The following FRAS1 variants were observed in gnomAD, a reference collection of about 807,000 sequenced individuals.
FRAS1 encodes extracellular matrix organizing protein FRAS1.
A neutral mutation model predicts 435.2 loss-of-function variants in FRAS1; 290 were observed. The observed-to-expected ratio is 0.67, with a 90% confidence interval of 0.61 to 0.73. The LOEUF (loss-of-function observed/expected upper bound fraction) is 0.73. Ranked by LOEUF, FRAS1 falls within the 30% of genes least tolerant of loss-of-function variation. The pLI, the probability that FRAS1 is intolerant of heterozygous loss-of-function variation, is 0.00. For synonymous variants in FRAS1, 1,800 were observed against 1,851.0 expected (o/e 0.97, Z 0.71); for missense variants, 4,860 against 5,001.5 (o/e 0.97, Z 0.85).
At chr4:78,539,804 A>G (rs917218604) in intron 73 of FRAS1, among the ~76,000 whole-genome samples, 2 of 152,232 alleles carry the variant, frequency 1.3e-5, no homozygotes, top group Admixed American at 6.5e-5. Flanking sequence ...TCATAATACA[A>G]TACAGCAATT....
At chr4:78,458,878 C>T (rs1719285083) in intron 47 of FRAS1, among the ~76,000 whole-genome samples, 2 of 152,052 alleles carry the variant, frequency 1.3e-5, no homozygotes, top group Admixed American at 6.6e-5. Flanking sequence ...TGAAATAAGG[C>T]AGTGTATTAC....
chr4:78,062,786 C>A (rs1171578786), intron 1 of FRAS1, among the ~76,000 whole-genome samples: 1 of 152,180 alleles, frequency 6.6e-6, no homozygotes, highest in Admixed American at 6.5e-5. Context: ...AGTAAAAGAG[C>A]AGCTCAGGTC....
At chr4:78,374,432 T>C (rs1474051830) in intron 25 of FRAS1, among the ~76,000 whole-genome samples, 181 bp downstream of exon 25, 1 of 152,212 alleles carries the variant, frequency 6.6e-6, no homozygotes, top group African/African-American at 2.4e-5. Context: ...AATTAGGATA[T>C]AGGAGTGTAA....
intron 18 of FRAS1, among the ~76,000 whole-genome samples, chr4:78,332,924 G>A (rs958704197): frequency 6.6e-6 from 1 of 152,214 alleles, no homozygotes; most frequent in African/African-American, 2.4e-5. Flanking sequence ...AGAGTATCTA[G>A]TGATAGACAG....
rs1397029811 is a variant in FRAS1 at position 78,515,875 on chromosome 4, C to T, written c.10251C>T (p.Asp3417=). The change falls in exon 66 of 74, where the codon GAC becomes GAT. Residue 3417 remains aspartate, a synonymous_variant. Transcript: ENST00000512123. The part of the protein sequence containing the change: ...GPGYDRPFQF[D]PSVREPKTIQ... ...GCTACGATCGCCCCTTCCAGTTTGA[C>T]CCCAGCGTGCGAGAGCCGAAGACCA... 1 of 1,614,020 alleles carries T rather than the reference C, an allele frequency of 6.2e-7. No homozygotes were observed. Among genetic ancestry groups the T allele is most frequent in the South Asian group, 1.1e-5 (1 of 91,080 alleles).
chr4:78,313,401 A>T (rs922472943), intron 15 of FRAS1, among the ~76,000 whole-genome samples: 1 of 152,216 alleles, frequency 6.6e-6, no homozygotes, highest in South Asian at 2.1e-4. Flanking sequence ...ATGTTCTCAA[A>T]ATATTTTTCA....
intron 9 of FRAS1, among the ~76,000 whole-genome samples, chr4:78,273,063 C>G (rs1444301302): frequency 1.3e-5 from 2 of 152,080 alleles, no homozygotes; most frequent in Non-Finnish European, 2.9e-5. Flanking sequence ...GTATTTTATT[C>G]TCTTTGAAGC....
intron 9 of FRAS1, among the ~76,000 whole-genome samples, chr4:78,270,876 T>C (rs1306449708): frequency 6.6e-6 from 1 of 152,164 alleles, no homozygotes; most frequent in East Asian, 1.9e-4. Context: ...CTGCTGCCTA[T>C]TGGCCTCTGA....
chr4:78,419,121 A>C, intron 33 of FRAS1, 58 bp downstream of exon 33: 1 of 950,340 alleles, frequency 1.1e-6, no homozygotes, highest in Non-Finnish European at 1.6e-6. Flanking sequence ...GTTTTTTACC[A>C]GTCTTAATAT....
chr4:78,308,136 C>G lies in FRAS1; in HGVS notation c.1605C>G (p.Leu535=). Reference sequence around the variant, plus strand: ...ACTGCTTGGCCTGCAGAGATCCCCTCCACGTGCTGAGAGATGGCGGCTGTG... The same window carrying G: ...ACTGCTTGGCCTGCAGAGATCCCCTGCACGTGCTGAGAGATGGCGGCTGTG... ...EKHCLACRDP[L]HVLRDGGCES... is the part of the protein sequence containing the mutation. The change falls in exon 15 of 74, where the codon CTC becomes CTG. Residue 535 remains leucine, a synonymous_variant. Transcript: ENST00000512123. The G allele has an allele frequency of 2.5e-6, 4 of 1,613,926 alleles. No individual in the cohort carries two copies. The South Asian group carries it at 4.4e-5, about 18-fold the overall frequency.
chr4:78,275,107 AG>A (rs930649725), intron 9 of FRAS1, among the ~76,000 whole-genome samples: 13 of 152,190 alleles, frequency 8.5e-5, no homozygotes, highest in Admixed American at 7.2e-4. Flanking sequence ...CTTGGTTTAA[AG>A]TCTGTTTTAT....
chr4:78,382,626 G>T (rs894751214), intron 27 of FRAS1, among the ~76,000 whole-genome samples: 1 of 152,100 alleles, frequency 6.6e-6, no homozygotes, highest in African/African-American at 2.4e-5. Flanking sequence ...GGGAAGACAA[G>T]AATCATTTTT....
chr4:78,373,280 A>G (rs1016091067), intron 24 of FRAS1, among the ~76,000 whole-genome samples: 2 of 151,916 alleles, frequency 1.3e-5, no homozygotes, highest in African/African-American at 2.4e-5. Flanking sequence ...TCTCTGGCCT[A>G]GTATCCCTTT....
chr4:78,274,365 T>C (rs1218870317), intron 9 of FRAS1, among the ~76,000 whole-genome samples: 1 of 152,248 alleles, frequency 6.6e-6, no homozygotes, highest in East Asian at 1.9e-4. Context: ...AGCTTTTGAA[T>C]GTGTTTGCTC....
chr4:78,368,485 A>C (rs1185057108), intron 22 of FRAS1, among the ~76,000 whole-genome samples: 1 of 146,236 alleles, frequency 6.8e-6, no homozygotes, highest in African/African-American at 2.7e-5. Context: ...TGGTGCTTGT[A>C]TATACCTTAT....
chr4:78,255,124 G>A, intron 5 of FRAS1, 118 bp from the exon 6 acceptor site: 1 of 926,548 alleles, frequency 1.1e-6, no homozygotes, highest in Non-Finnish European at 1.7e-6. Flanking sequence ...ACCAAATGCA[G>A]GACCTCCTTC....
chr4:78,362,452 T>C (rs1168412403), intron 20 of FRAS1, among the ~76,000 whole-genome samples: 2 of 152,194 alleles, frequency 1.3e-5, no homozygotes. Context: ...TGTTAGTGAG[T>C]GCAGGATCTG....
chr4:78,493,694 A>T (rs1442928190), intron 59 of FRAS1, among the ~76,000 whole-genome samples: 1 of 152,140 alleles, frequency 6.6e-6, no homozygotes, highest in Admixed American at 6.5e-5. Context: ...ATTAGGAGGA[A>T]TACCCAATTT....
intron 18 of FRAS1, among the ~76,000 whole-genome samples, chr4:78,330,477 C>T (rs1036181846): frequency 5.9e-5 from 9 of 152,206 alleles, no homozygotes; most frequent in Non-Finnish European, 1.3e-4. Context: ...ACTGGTGAGC[C>T]ATGCAGAACA....
Sources: allele counts gnomAD v4.1 joint callset (sites outside exome capture counted in the v4.1 genomes callset), GRCh38; gene constraint gnomAD v4.1.1; transcripts MANE v1.5; gene names NCBI Gene and HGNC (gene_info 2026-07-23, HGNC 2026-07-21).